The following C20orf203 variants were observed in gnomAD, a reference collection of about 807,000 sequenced individuals.
C20orf203 encodes the protein chromosome 20 open reading frame 203, also known as uncharacterized protein C20orf203.
A neutral mutation model predicts 15.9 loss-of-function variants in C20orf203; 16 were observed. The ratio of observed to expected loss-of-function variants is 1.01; its 90% CI spans 0.68 to 1.53. C20orf203 has a LOEUF of 1.53. Ranked by LOEUF, C20orf203 falls within the 40% of genes most tolerant of loss-of-function variation. The pLI is 0.00. For synonymous variants in C20orf203, 98 were observed against 97.2 expected (o/e 1.01, Z -0.05); for missense variants, 263 against 247.5 (o/e 1.06, Z -0.42).
At chr20:32,667,109 C>T (rs967124884) in intron 1 of C20orf203, among the ~76,000 whole-genome samples, 2 of 151,986 alleles carry the variant, frequency 1.3e-5, no homozygotes, top group South Asian at 2.1e-4. Flanking sequence ...TCAGCAGCCA[C>T]AGATGGTCAG....
rs1982634574 is a variant in C20orf203 at position 32,651,719 on chromosome 20, T to C, written c.-15+14A>G. The C allele has an allele frequency of 6.6e-6, 1 of 152,434 alleles. No individual in the cohort carries two copies. 9.4% of individuals were successfully genotyped at this position (152,434 alleles called of 1,614,324 possible). On this transcript the variant is annotated intron_variant, in intron 2 of 5. Coordinates refer to ENST00000608990, the MANE Select transcript of C20orf203 (RefSeq NM_182584.4). ...CTGGGGGGTGACCTGGCACCTAGCC[T>C]GTCCGAGTCTTACCTCTTCATGTGG...
chr20:32,640,980 T>C (rs577813603), intron 4 of C20orf203, among the ~76,000 whole-genome samples: 54 of 152,334 alleles, frequency 3.5e-4, no homozygotes, highest in Non-Finnish European at 5.3e-4. Flanking sequence ...TTATTCCTTT[T>C]CATGGCCAAT....
chr20:32,665,730 C>T (rs1252460906), intron 1 of C20orf203, among the ~76,000 whole-genome samples: 1 of 152,056 alleles, frequency 6.6e-6, no homozygotes, highest in Non-Finnish European at 1.5e-5. Context: ...CTTTGGGAGG[C>T]CAAGGAGGGT....
chr20:32,658,872 C>T (rs1000762946), intron 1 of C20orf203, among the ~76,000 whole-genome samples: 2 of 151,236 alleles, frequency 1.3e-5, no homozygotes, highest in Non-Finnish European at 3.0e-5. Flanking sequence ...AGACTCAGAC[C>T]CACTTCTCTT....
intron 1 of C20orf203, among the ~76,000 whole-genome samples, chr20:32,665,879 T>A (rs1983007637): frequency 6.6e-6 from 1 of 152,112 alleles, no homozygotes; most frequent in Non-Finnish European, 1.5e-5. Context: ...GAGCTTGCAG[T>A]GAGCCCAGAT....
At chr20:32,666,800 TATATATATATATA>T (rs1983043471) in intron 1 of C20orf203, among the ~76,000 whole-genome samples, 2 of 85,354 alleles carry the variant, frequency 2.3e-5, no homozygotes, top group Non-Finnish European at 4.9e-5. Context: ...TTTTAATTTA[TATATATATATATA>T]TATATATATA....
intron 1 of C20orf203, among the ~76,000 whole-genome samples, chr20:32,666,232 C>T (rs1183043380): frequency 1.3e-5 from 2 of 150,134 alleles, no homozygotes; most frequent in African/African-American, 2.5e-5. Flanking sequence ...TTTGGGAGGC[C>T]GAGGCAGGAG....
intron 3 of C20orf203, 57 bp from the exon 4 acceptor site, chr20:32,650,938 A>G: frequency 6.9e-7 from 1 of 1,442,760 alleles, no homozygotes; most frequent in South Asian, 1.5e-5. Context: ...GAGACTCGCA[A>G]GGGGCTTTAG....
intron 1 of C20orf203, among the ~76,000 whole-genome samples, chr20:32,658,269 T>C (rs1054030733): frequency 3.9e-5 from 6 of 152,152 alleles, no homozygotes; most frequent in African/African-American, 1.2e-4. Context: ...TATCTATATG[T>C]GTATAACAAA....
At position 32,650,634 on chromosome 20, in the gene C20orf203, G is replaced by T. The variant is rs1379168007; in HGVS notation, c.383C>A (p.Ala128Asp). 5 of 1,548,364 alleles carry T rather than the reference G, an allele frequency of 3.2e-6. No homozygotes were observed. The East Asian group carries it at 1.2e-4, about 38-fold the overall frequency. ...RDREVGRGLR[A>D]PAGRGRAMGG... Reference sequence around the variant, plus strand: ...CATTGCCCTCCCCCGCCCAGCAGGGGCCCGCAGCCCCCTCCCCACTTCCCT... The same window carrying T: ...CATTGCCCTCCCCCGCCCAGCAGGGTCCCGCAGCCCCCTCCCCACTTCCCT... Residue 128 changes from alanine to aspartate, a missense_variant, in exon 4 of 6, where the codon GCC (alanine) becomes GAC (aspartate). Coordinates refer to ENST00000608990, the MANE Select transcript of C20orf203 (RefSeq NM_182584.4).
intron 1 of C20orf203, among the ~76,000 whole-genome samples, chr20:32,661,309 G>A (rs1386999270): frequency 6.6e-6 from 1 of 152,178 alleles, no homozygotes; most frequent in East Asian, 1.9e-4. Context: ...GCTCATGACA[G>A]CAGGGCAGAA....
At chr20:32,634,822 A>C (rs561490195) in intron 5 of C20orf203, among the ~76,000 whole-genome samples, 4 of 152,262 alleles carry the variant, frequency 2.6e-5, no homozygotes, top group African/African-American at 9.6e-5. Context: ...ATATATATGA[A>C]ATGATATTAG....
intron 1 of C20orf203, among the ~76,000 whole-genome samples, chr20:32,668,943 T>C (rs1411317325): frequency 6.6e-6 from 1 of 152,192 alleles, no homozygotes; most frequent in African/African-American, 2.4e-5. Flanking sequence ...TGGTGCCACG[T>C]CCACAGCTTG....
Position 32,649,817 on chromosome 20 carries a change from CG to C in C20orf203, c.*614del, listed in dbSNP as rs1444682630. The C allele has an allele frequency of 6.5e-6, 1 of 153,086 alleles. No homozygotes were observed. The highest frequency in any genetic ancestry group is 2.4e-5 in the African/African-American group (1 of 41,468). The allele number at this position is 153,086 out of a possible 1,614,324, so 9.5% of individuals were successfully genotyped here. ...AAACAGAAGGGGGCTGGTTCGGCCC[CG>C]GACCATGGGCTCCCGCCAGTGCTCC... is the stretch of plus-strand genomic sequence containing the variant. On this transcript the variant is annotated 3_prime_UTR_variant, in exon 4 of 6. Coordinates refer to ENST00000608990, the MANE Select transcript of C20orf203 (RefSeq NM_182584.4).
intron 5 of C20orf203, 56 bp from the exon 6 acceptor site, chr20:32,634,326 A>T: frequency 2.5e-6 from 1 of 397,736 alleles, no homozygotes. Flanking sequence ...GGCGAGAGGT[A>T]CTGTGACATC....
intron 4 of C20orf203, among the ~76,000 whole-genome samples, chr20:32,641,715 C>T (rs977529036): frequency 2.0e-5 from 3 of 152,162 alleles, no homozygotes; most frequent in Non-Finnish European, 4.4e-5. Context: ...TCTCTGATAG[C>T]CAATAATATT....
chr20:32,642,942 G>A (rs1378020412), intron 4 of C20orf203, among the ~76,000 whole-genome samples: 1 of 152,158 alleles, frequency 6.6e-6, no homozygotes, highest in Non-Finnish European at 1.5e-5. Flanking sequence ...CCCTAAGGCT[G>A]TGTCTTGGTG....
At chr20:32,640,357 C>A (rs1181705060) in intron 5 of C20orf203, among the ~76,000 whole-genome samples, 1 of 152,088 alleles carries the variant, frequency 6.6e-6, no homozygotes, top group Non-Finnish European at 1.5e-5. Flanking sequence ...TGGTTGCTAG[C>A]ATACTCACAG....
In C20orf203 at chr20:32,651,839, A is replaced by T. The variant is rs2030655553; in HGVS notation, c.-121T>A. On this transcript the variant is annotated 5_prime_UTR_variant, in exon 2 of 6. Coordinates refer to ENST00000608990, the MANE Select transcript of C20orf203 (RefSeq NM_182584.4). Reference sequence around the variant, plus strand: ...ACGGAAGAGGAAGAGGCAGCCTTGGATCCCTTGAGTGAGGAGAGGATGGGA... The same window carrying T: ...ACGGAAGAGGAAGAGGCAGCCTTGGTTCCCTTGAGTGAGGAGAGGATGGGA... 6.6e-6 allele frequency: 1 copy of T among 152,328 alleles called. No homozygotes were observed. The allele number at this position is 152,328 out of a possible 1,614,324, so 9.4% of individuals were successfully genotyped here.
Sources: gnomAD v4.1 joint callset for allele counts (sites outside exome capture counted in the v4.1 genomes callset) on GRCh38, gnomAD v4.1.1 for gene constraint, MANE v1.5 for transcripts, NCBI Gene and HGNC (gene_info 2026-07-23, HGNC 2026-07-21) for gene names.